Variants in DCLK3 observed in about 807,000 individuals in gnomAD.
DCLK3 encodes serine/threonine-protein kinase DCLK3.
A neutral mutation model predicts 46.4 loss-of-function variants in DCLK3; 30 were observed. The ratio of observed to expected loss-of-function variants is 0.65; its 90% CI spans 0.48 to 0.88. The LOEUF (loss-of-function observed/expected upper bound fraction) is 0.88. Ranked by LOEUF, DCLK3 falls within the 40% of genes least tolerant of loss-of-function variation. The probability of loss-of-function intolerance (pLI) is 0.00; values close to 1 mark genes in which losing one functional copy is unlikely to be tolerated. For missense variants in DCLK3, 846 were observed against 907.1 expected (o/e 0.93, Z 0.87); for synonymous variants, 401 against 339.2 (o/e 1.18, Z -2.00).
At chr3:36,736,350 G>C (rs1701262432) in intron 2 of DCLK3, among the ~76,000 whole-genome samples, 1 of 152,144 alleles carries the variant, frequency 6.6e-6, no homozygotes, top group African/African-American at 2.4e-5. Context: ...CAGCCACAAA[G>C]GGGACATGTG....
intron 1 of DCLK3, among the ~76,000 whole-genome samples, chr3:36,742,835 T>A (rs1701357287): frequency 6.6e-6 from 1 of 152,072 alleles, no homozygotes; most frequent in African/African-American, 2.4e-5. Flanking sequence ...GCACAGCATA[T>A]CCTTTAGGCC....
At chr3:36,763,825 C>A (rs974695763) in intron 1 of DCLK3, among the ~76,000 whole-genome samples, 14 of 152,100 alleles carry the variant, frequency 9.2e-5, no homozygotes, top group African/African-American at 2.4e-4. Flanking sequence ...TCCCTCCCTG[C>A]GCCTTCTCCC....
chr3:36,737,134 TA>T lies in DCLK3; in HGVS notation c.1959+73del. 1 of 1,511,826 alleles carries T rather than the reference TA, an allele frequency of 6.6e-7. No homozygotes were observed. Among genetic ancestry groups the T allele is most frequent in the Non-Finnish European group, 8.9e-7 (1 of 1,129,662 alleles). 93.7% of individuals were successfully genotyped at this position (1,511,826 alleles called of 1,614,324 possible). On this transcript the variant is annotated intron_variant, in intron 2 of 4. Coordinates refer to ENST00000636136, the MANE Select transcript of DCLK3 (RefSeq NM_001394672.2). The surrounding 1 kb of genome is among the most constrained non-coding windows in gnomAD (Gnocchi z 4.4). ...TCTAGTGTGTAAAGGTGACAGAGTA[TA>T]AAACAATTAATATCAATTTTATCCC...
chr3:36,722,889 A>G lies in DCLK3; in HGVS notation c.1960-1230T>C, dbSNP rs537253143. Among the ~76,000 whole-genome samples the G allele has an allele frequency of 2.2e-4, 33 of 152,336 alleles. 1 individual carries two copies. The South Asian group carries it at 6.0e-3, about 28-fold the overall frequency. On this transcript the variant is annotated intron_variant, in intron 2 of 4. Transcript: ENST00000636136. The stretch of plus-strand genomic sequence containing the variant: ...TGGACTAATACAGTAAACTGGTACC[A>G]GTAGAGTGGGGCACTGCTGGAAAGA...
At chr3:36,759,759 C>G (rs928283970) in intron 1 of DCLK3, among the ~76,000 whole-genome samples, 6 of 152,206 alleles carry the variant, frequency 3.9e-5, no homozygotes, top group African/African-American at 1.4e-4. Context: ...CTGCCCTCCT[C>G]CAATCCCAGA....
At chr3:36,758,431 G>A (rs1393267128) in intron 1 of DCLK3, among the ~76,000 whole-genome samples, 1 of 152,186 alleles carries the variant, frequency 6.6e-6, no homozygotes, top group African/African-American at 2.4e-5. Flanking sequence ...CTTTGGGGAA[G>A]TGATTAAGTC....
In DCLK3 at chr3:36,737,796, G is replaced by A; in HGVS notation, c.1371C>T (p.Arg457=). 6.2e-7 allele frequency: 1 copy of A among 1,614,056 alleles called. No individual in the cohort carries two copies. Among genetic ancestry groups the A allele is most frequent in the Non-Finnish European group, 8.5e-7 (1 of 1,180,028 alleles). The stretch of plus-strand genomic sequence containing the variant: ...CCTCCTTCTCTTCTCCTCGGGTCCT[G>A]CGGAGCTTCTCAAAGCCCGCCTGGT... ...REHQAGFEKL[R]RTRGEEKEAE... The change falls in exon 2 of 5, where the codon CGC becomes CGT. Residue 457 remains arginine (R), a synonymous_variant. Coordinates refer to ENST00000636136, the MANE Select transcript of DCLK3 (RefSeq NM_001394672.2). This position sits in a 1 kb window ranked among gnomAD's most constrained non-coding sequence, Gnocchi z 4.4.
chr3:36,731,835 G>A (rs1701203326), intron 2 of DCLK3, among the ~76,000 whole-genome samples: 1 of 152,052 alleles, frequency 6.6e-6, no homozygotes, highest in Non-Finnish European at 1.5e-5. Context: ...ACCCTAACAT[G>A]TGGGACTTCC....
chr3:36,739,577 A>G (rs1701322106), intron 1 of DCLK3, among the ~76,000 whole-genome samples: 1 of 152,132 alleles, frequency 6.6e-6, no homozygotes, highest in African/African-American at 2.4e-5. Context: ...GCTGCCATCC[A>G]TGTAAGATGG....
intron 1 of DCLK3, among the ~76,000 whole-genome samples, chr3:36,763,645 C>G (rs542724621): frequency 6.6e-6 from 1 of 152,184 alleles, no homozygotes; most frequent in Non-Finnish European, 1.5e-5. Context: ...ACTCCAGCTC[C>G]GCTGCTATGG....
rs1235750507 is a variant in DCLK3, at chr3:36,712,489, T to C, written c.*2839A>G. On this transcript the variant is annotated 3_prime_UTR_variant, in exon 5 of 5. Coordinates refer to ENST00000636136, the MANE Select transcript of DCLK3 (RefSeq NM_001394672.2). Reference sequence around the variant, plus strand: ...AACTGCACATAACAAAAGTGTACAATTTGGTAAGTTTTGACATATATACCC... The same window carrying C: ...AACTGCACATAACAAAAGTGTACAACTTGGTAAGTTTTGACATATATACCC... 6.6e-6 allele frequency: 1 copy of C among 152,140 alleles called. No homozygotes were observed. Among genetic ancestry groups the C allele is most frequent in the African/African-American group, 2.4e-5 (1 of 41,418 alleles). The allele number at this position is 152,140 out of a possible 1,614,324, so 9.4% of individuals were successfully genotyped here. A position where few individuals can be genotyped will look rare whatever the true frequency, so the allele number is the denominator to read the frequency against.
intron 1 of DCLK3, among the ~76,000 whole-genome samples, chr3:36,757,643 T>C (rs1701497780): frequency 6.6e-6 from 1 of 152,156 alleles, no homozygotes; most frequent in African/African-American, 2.4e-5. Flanking sequence ...CTGCAAGATG[T>C]AGCAGTTTCT....
At chr3:36,747,916 GATGCACGTTTGCTTGAA>G (rs1701406603) in intron 1 of DCLK3, among the ~76,000 whole-genome samples, 1 of 152,232 alleles carries the variant, frequency 6.6e-6, no homozygotes, top group Admixed American at 6.5e-5. Context: ...CAGGTGGTGT[GATGCACGTTTGCTTGAA>G]ATGCACTGCC....
intron 1 of DCLK3, among the ~76,000 whole-genome samples, chr3:36,750,529 A>G (rs1444829241): frequency 1.3e-5 from 2 of 152,248 alleles, no homozygotes; most frequent in Non-Finnish European, 2.9e-5. Context: ...CGATGATTAG[A>G]CTTGCTGGTA....
chr3:36,746,091 T>C (rs1701391324), intron 1 of DCLK3, among the ~76,000 whole-genome samples: 1 of 152,210 alleles, frequency 6.6e-6, no homozygotes, highest in Non-Finnish European at 1.5e-5. Context: ...CAACATGACA[T>C]TGACTGAGAC....
At chr3:36,739,366 G>T (rs1211817526) in intron 1 of DCLK3, among the ~76,000 whole-genome samples, 2 of 152,184 alleles carry the variant, frequency 1.3e-5, no homozygotes, top group African/African-American at 4.8e-5. Context: ...GATACAGTTT[G>T]GCTCTGTGTC....
chr3:36,733,421 A>G (rs1332092797), intron 2 of DCLK3, among the ~76,000 whole-genome samples: 2 of 152,166 alleles, frequency 1.3e-5, no homozygotes. Context: ...ACACCTCTTC[A>G]GTCCCTTCCC....
At chr3:36,719,356 C>A (rs960840744) in intron 3 of DCLK3, among the ~76,000 whole-genome samples, 1 of 152,092 alleles carries the variant, frequency 6.6e-6, no homozygotes, top group South Asian at 2.1e-4. Context: ...ATAATTAAGC[C>A]CCAGAGTAAG....
chr3:36,745,083 G>A (rs373210597), intron 1 of DCLK3, among the ~76,000 whole-genome samples: 64 of 152,312 alleles, frequency 4.2e-4, no homozygotes, highest in African/African-American at 1.3e-3. Context: ...CTACCAGAGT[G>A]ACTGTAAGTC....
Sources: allele counts gnomAD v4.1 joint callset (sites outside exome capture counted in the v4.1 genomes callset), GRCh38; gene constraint gnomAD v4.1.1; non-coding constraint Gnocchi (gnomAD v3.1); transcripts MANE v1.5; gene names NCBI Gene and HGNC (gene_info 2026-07-23, HGNC 2026-07-21).